EIF3L: variants seen among roughly 807,000 people sequenced by gnomAD.
EIF3L encodes eukaryotic translation initiation factor 3 subunit L, also known as eIEF associated protein HSPC021.
In EIF3L, 32 loss-of-function variants were observed where a neutral mutation model predicts 74.6. The ratio of observed to expected loss-of-function variants is 0.43; its 90% CI spans 0.32 to 0.58. The LOEUF (loss-of-function observed/expected upper bound fraction) is 0.58, where lower values mean the gene tolerates loss of function less well. Among genes scored for constraint, EIF3L ranks in the 20% least tolerant of loss-of-function variants. The pLI is 0.06. For missense variants in EIF3L, 474 were observed against 707.8 expected (o/e 0.67, Z 3.75); for synonymous variants, 256 against 254.4 (o/e 1.01, Z -0.06).
intron 3 of EIF3L, among the ~76,000 whole-genome samples, chr22:37,854,835 C>T (rs1317332628): frequency 2.0e-5 from 3 of 152,140 alleles, no homozygotes; most frequent in Admixed American, 2.0e-4. Flanking sequence ...GAGACAGGGC[C>T]TTCCTATATT....
intron 9 of EIF3L, 36 bp from the exon 10 acceptor site, chr22:37,875,805 G>T (rs755450827): frequency 2.8e-5 from 44 of 1,591,106 alleles, no homozygotes; most frequent in Admixed American, 8.4e-5. Flanking sequence ...AGGATGAATT[G>T]GGACTCATGA....
In EIF3L at chr22:37,868,442, T is replaced by G. The variant is rs1306883926; in HGVS notation, c.580-1734T>G. 4.7e-5 allele frequency among the ~76,000 whole-genome samples: 7 copies of G among 150,374 alleles called. No individual in the cohort carries two copies. In the Admixed American group the frequency reaches 4.7e-4, roughly 10 times the overall value. ...GCACCCAGCCTGAGAATTCTTTATA[T>G]ATTCTGGATATTCTTTTTTTTTCCC... is the stretch of plus-strand genomic sequence containing the variant. On this transcript the variant is annotated intron_variant, in intron 7 of 12. Transcript: ENST00000652021.
At chr22:37,854,936 T>G (rs1925420998) in intron 3 of EIF3L, among the ~76,000 whole-genome samples, 2 of 152,184 alleles carry the variant, frequency 1.3e-5, no homozygotes, top group Admixed American at 1.3e-4. Context: ...CCATCATGCC[T>G]GGCCTGTTCA....
At chr22:37,858,899 C>T (rs1349098301) in intron 5 of EIF3L, among the ~76,000 whole-genome samples, 159 bp downstream of exon 5, 2 of 151,910 alleles carry the variant, frequency 1.3e-5, no homozygotes, top group African/African-American at 4.8e-5. Flanking sequence ...AACAGTTTAA[C>T]CCAGAAAGCT....
intron 7 of EIF3L, among the ~76,000 whole-genome samples, chr22:37,865,653 A>C (rs1926111926): frequency 6.6e-6 from 1 of 152,176 alleles, no homozygotes; most frequent in Non-Finnish European, 1.5e-5. Flanking sequence ...GTGAGCTGAG[A>C]AACCTTCATA....
chr22:37,874,409 C>G lies in EIF3L; in HGVS notation c.791C>G (p.Ser264Cys). 1.2e-6 allele frequency: 2 copies of G among 1,614,104 alleles called. No individual in the cohort carries two copies. The highest frequency in any genetic ancestry group is 1.7e-6 in the Non-Finnish European group (2 of 1,180,006). The change falls in exon 9 of 13, where the codon TCC (serine) becomes TGC (cysteine). Residue 264 changes from serine (S) to cysteine (C), a missense_variant. Around this residue, in one of 4 missense-constraint regions of EIF3L, gnomAD observed 293 missense variants for 469.1 expected, o/e 0.62. Transcript: ENST00000652021. The stretch of plus-strand genomic sequence containing the variant: ...GTGGCTGGGGAGTATGGGCGGCACT[C>G]CCTCTACAAAATGCTTGGTTACTTC... The part of the protein sequence containing the change: ...ESVAGEYGRH[S>C]LYKMLGYFSL...
chr22:37,852,437 C>T (rs1359389390), intron 3 of EIF3L, among the ~76,000 whole-genome samples: 6 of 152,112 alleles, frequency 3.9e-5, no homozygotes, highest in Admixed American at 6.6e-5. Context: ...AGCTGAACTC[C>T]GCAGGTTTTG....
intron 11 of EIF3L, chr22:37,880,257 C>A (rs1382100497): frequency 6.6e-6 from 1 of 152,102 alleles, no homozygotes; most frequent in East Asian, 1.9e-4. Context: ...GGACTACAGA[C>A]ACCCGCCACC....
At chr22:37,850,124 A>G in intron 2 of EIF3L, 61 bp downstream of exon 2, 2 of 1,593,694 alleles carry the variant, frequency 1.3e-6, no homozygotes, top group South Asian at 1.1e-5. Context: ...GGAATGTCTT[A>G]GAACCAGCTC....
At chr22:37,871,470 A>C (rs933480690) in intron 8 of EIF3L, among the ~76,000 whole-genome samples, 2 of 151,742 alleles carry the variant, frequency 1.3e-5, no homozygotes, top group Non-Finnish European at 2.9e-5. Context: ...TCTCATGCAC[A>C]AAAGTATTTA....
chr22:37,858,683 T>C lies in EIF3L; in HGVS notation c.378T>C (p.Ala126=), dbSNP rs1437092224. ...EAIAPQVGND[A]VFLILYKELY... ...CCCTTCTGCCATCTCTTTCAGATGC[T>C]GTCTTCCTGATTTTATACAAAGAAT... The change falls in exon 5 of 13, where the codon GCT becomes GCC. Residue 126 remains alanine (A), a synonymous_variant. Transcript: ENST00000652021. 4.3e-6 allele frequency: 7 copies of C among 1,611,706 alleles called. No individual in the cohort carries two copies. Among genetic ancestry groups the C allele is most frequent in the African/African-American group, 1.3e-5 (1 of 74,946 alleles).
intron 8 of EIF3L, 88 bp downstream of exon 8, chr22:37,870,435 A>G: frequency 7.5e-7 from 1 of 1,326,234 alleles, no homozygotes; most frequent in Non-Finnish European, 1.0e-6. Context: ...CAAGGAGAGC[A>G]GATGAGTCAC....
chr22:37,885,160 G>C (rs1927255001), intron 11 of EIF3L: 1 of 151,886 alleles, frequency 6.6e-6, no homozygotes, highest in African/African-American at 2.4e-5. Flanking sequence ...CTTGGGCTCG[G>C]GTAGTCTGCC....
At chr22:37,853,778 A>G (rs1331818603) in intron 3 of EIF3L, among the ~76,000 whole-genome samples, 1 of 152,174 alleles carries the variant, frequency 6.6e-6, no homozygotes, top group Admixed American at 6.5e-5. Context: ...AAAGTTTCCT[A>G]AATCCAGTGT....
At chr22:37,868,634 C>CTTGTT (rs1926301854) in intron 7 of EIF3L, among the ~76,000 whole-genome samples, 1 of 25,104 alleles carries the variant, frequency 4.0e-5, no homozygotes, top group Non-Finnish European at 7.8e-5. Flanking sequence ...TGTTTTGGTG[C>CTTGTT]TTTTTTTTTT....
intron 9 of EIF3L, 133 bp downstream of exon 9, chr22:37,874,657 T>G: frequency 1.9e-6 from 2 of 1,068,560 alleles, no homozygotes; most frequent in Non-Finnish European, 2.6e-6. Context: ...AAGTTGAGAC[T>G]AAAACTGGGC....
chr22:37,852,023 T>G (rs1391849289), intron 3 of EIF3L, among the ~76,000 whole-genome samples: 2 of 152,040 alleles, frequency 1.3e-5, no homozygotes, highest in Non-Finnish European at 2.9e-5. Context: ...AGGCTGGTCT[T>G]GAACTTCTGA....
chr22:37,886,815 C>T lies in EIF3L; in HGVS notation c.1626C>T (p.Phe542=), dbSNP rs770192249. The part of the protein sequence containing the change: ...DTKVARRYGD[F]FIRQIHKFEE... Reference sequence around the variant, plus strand: ...AGGTCGCCAGGCGTTATGGGGATTTCTTCATCCGTCAGATCCACAAATTTG... The same window carrying T: ...AGGTCGCCAGGCGTTATGGGGATTTTTTCATCCGTCAGATCCACAAATTTG... The change falls in exon 12 of 13, where the codon TTC becomes TTT. Residue 542 remains phenylalanine, a synonymous_variant. Transcript: ENST00000652021. 28 of 1,611,346 alleles carry T rather than the reference C, an allele frequency of 1.7e-5. No individual in the cohort carries two copies. Among genetic ancestry groups the T allele is most frequent in the Non-Finnish European group, 2.4e-5 (28 of 1,178,140 alleles).
At chr22:37,859,653 A>T (rs1413266080) in intron 5 of EIF3L, among the ~76,000 whole-genome samples, 3 of 151,072 alleles carry the variant, frequency 2.0e-5, no homozygotes, top group African/African-American at 7.3e-5. Flanking sequence ...AAGTGCTGGG[A>T]TGACAGGCGT....
Sources: allele counts gnomAD v4.1 joint callset (sites outside exome capture counted in the v4.1 genomes callset), GRCh38; gene constraint gnomAD v4.1.1; regional missense constraint gnomAD v4.1.1; transcripts MANE v1.5; gene names NCBI Gene and HGNC (gene_info 2026-07-23, HGNC 2026-07-21).